The following AFF3 variants were observed in gnomAD, a reference collection of about 807,000 sequenced individuals.
AFF3 encodes ALF transcription elongation factor 3.
AFF3 carries 32 observed loss-of-function variants against 129.7 expected under a neutral mutation model. The observed-to-expected ratio is 0.25, with a 90% CI of 0.19 to 0.33. The LOEUF (loss-of-function observed/expected upper bound fraction) is 0.33. Ranked by LOEUF, AFF3 falls within the 10% of genes least tolerant of loss-of-function variation. AFF3 has a pLI of 1.00. For synonymous variants in AFF3, 644 were observed against 635.4 expected, an observed-to-expected ratio of 1.01 and a Z score of -0.20; for missense variants, 1,373 against 1,592.0, an observed-to-expected ratio of 0.86 and a Z score of 2.34.
chr2:100,050,020 T>G (rs1187822208), intron 4 of AFF3, among the ~76,000 whole-genome samples: 1 of 152,092 alleles, frequency 6.6e-6, no homozygotes, highest in Non-Finnish European at 1.5e-5. Context: ...AAGACCAGCC[T>G]GGCCAACATG....
At chr2:99,896,504 C>G (rs1195998002) in intron 7 of AFF3, among the ~76,000 whole-genome samples, 1 of 151,628 alleles carries the variant, frequency 6.6e-6, no homozygotes, top group Non-Finnish European at 1.5e-5. Context: ...TTTGCATGAA[C>G]TGTCACCCAA....
At chr2:99,747,879 C>T (rs190051056) in intron 9 of AFF3, among the ~76,000 whole-genome samples, 1 of 152,128 alleles carries the variant, frequency 6.6e-6, no homozygotes, top group South Asian at 2.1e-4. Flanking sequence ...GGCTATAAAC[C>T]CAGTGTTCTA....
chr2:99,967,326 A>G (rs1677879199), intron 7 of AFF3, among the ~76,000 whole-genome samples: 2 of 142,602 alleles, frequency 1.4e-5, no homozygotes, highest in South Asian at 4.4e-4. Flanking sequence ...GATGACTTCC[A>G]TCTTCACATC....
chr2:99,859,349 G>T (rs949846177), intron 7 of AFF3, among the ~76,000 whole-genome samples: 2 of 152,148 alleles, frequency 1.3e-5, no homozygotes, highest in Non-Finnish European at 2.9e-5. Flanking sequence ...AACCACCGGC[G>T]GCACAAGCAT....
At chr2:100,124,722 G>C (rs1196841749) in intron 2 of AFF3, among the ~76,000 whole-genome samples, 1 of 152,042 alleles carries the variant, frequency 6.6e-6, no homozygotes, top group Non-Finnish European at 1.5e-5. Context: ...AAATGACTTG[G>C]GGAAAATTAA....
intron 12 of AFF3, among the ~76,000 whole-genome samples, chr2:99,654,577 A>G (rs1383027282): frequency 6.6e-6 from 1 of 152,258 alleles, no homozygotes; most frequent in East Asian, 1.9e-4. Flanking sequence ...AGAGTTATAC[A>G]TTACAGCAAC....
intron 4 of AFF3, among the ~76,000 whole-genome samples, chr2:100,090,516 G>A (rs2105406408): frequency 6.6e-6 from 1 of 152,328 alleles, no homozygotes; most frequent in East Asian, 1.9e-4. Context: ...GCACAGTGAA[G>A]CCTGTTTAAT....
chr2:99,649,061 A>T lies in AFF3; in HGVS notation c.1184+565T>A, dbSNP rs149109995. Among the ~76,000 whole-genome samples, 579 of 152,246 alleles carry T rather than the reference A, an allele frequency of 3.8e-3. 4 individuals are homozygous for T. Among genetic ancestry groups the T allele is most frequent in the African/African-American group, 0.013 (550 of 41,558 alleles). ...TATCTGTCTACAGCCTTTCAGACAA[A>T]GCAGGATATAAAATACAGCCTGTGT... On this transcript the variant is annotated intron_variant, in intron 13 of 24. Transcript: ENST00000672756.
At chr2:99,816,605 C>T (rs907203176) in intron 8 of AFF3, among the ~76,000 whole-genome samples, 1 of 152,112 alleles carries the variant, frequency 6.6e-6, no homozygotes, top group Non-Finnish European at 1.5e-5. Flanking sequence ...CTTTGGGTCT[C>T]CCTTTGCATG....
intron 7 of AFF3, among the ~76,000 whole-genome samples, chr2:99,858,010 T>A (rs1690653520): frequency 6.6e-6 from 1 of 152,194 alleles, no homozygotes; most frequent in Admixed American, 6.5e-5. Context: ...GTCAACTAAC[T>A]TGCTTTGACC....
intron 8 of AFF3, among the ~76,000 whole-genome samples, chr2:99,817,837 A>G (rs1016698034): frequency 2.6e-5 from 4 of 152,256 alleles, no homozygotes; most frequent in Non-Finnish European, 4.4e-5. Context: ...TACATTGAAT[A>G]TGCATGACCA....
chr2:99,593,298 A>G lies in AFF3; in HGVS notation c.2363T>C (p.Val788Ala), dbSNP rs1234731574. ...IPEHLPQEPG[V>A]LSAPATKDSE... ...GTCCTTGGTGGCAGGGGCGCTCAAT[A>G]CCCCTGGCTCCTGGGGCAGGTGTTC... is the stretch of plus-strand genomic sequence containing the variant. Residue 788 changes from valine to alanine, a missense_variant, in exon 15 of 25, where the codon GTA becomes GCA. Val to Ala is a moderately conservative substitution (Grantham distance 64). This residue lies in a region of AFF3 where 466 missense variants were observed against 505.0 expected (regional missense o/e 0.92). Transcript: ENST00000672756. 6.2e-7 allele frequency: 1 copy of G among 1,613,578 alleles called. No homozygotes were observed. The highest frequency in any genetic ancestry group is 8.5e-7 in the Non-Finnish European group (1 of 1,179,910).
intron 7 of AFF3, among the ~76,000 whole-genome samples, chr2:99,881,253 T>C (rs1393143972): frequency 6.6e-6 from 1 of 152,140 alleles, no homozygotes; most frequent in African/African-American, 2.4e-5. Flanking sequence ...TTCTGACAAA[T>C]GTAAGTGCTG....
chr2:99,815,810 T>TTCTCTC (rs747354542), intron 8 of AFF3, among the ~76,000 whole-genome samples: 3 of 147,562 alleles, frequency 2.0e-5, no homozygotes, highest in African/African-American at 5.0e-5. Flanking sequence ...TCCTGGTTCC[T>TTCTCTC]TCTCTCTCTC....
intron 18 of AFF3, among the ~76,000 whole-genome samples, chr2:99,574,852 G>A (rs888178150): frequency 1.3e-5 from 2 of 152,040 alleles, no homozygotes; most frequent in Non-Finnish European, 2.9e-5. Flanking sequence ...CCTCTCTTTG[G>A]TCATTTCACT....
chr2:100,105,766 CT>C, intron 2 of AFF3, 183 bp from the exon 3 acceptor site: 1 of 1,360,246 alleles, frequency 7.4e-7, no homozygotes. Flanking sequence ...CCAAGGCCCC[CT>C]GACTCTCCTG....
At chr2:99,968,810 C>T (rs1394507376) in intron 7 of AFF3, among the ~76,000 whole-genome samples, 2 of 152,184 alleles carry the variant, frequency 1.3e-5, no homozygotes, top group South Asian at 2.1e-4. Context: ...CTTCCTCCTG[C>T]CTTTCCCTTT....
intron 13 of AFF3, among the ~76,000 whole-genome samples, chr2:99,618,224 C>CTTT (rs70940180): frequency 0.013 from 1,060 of 80,050 alleles, 243 homozygotes; most frequent in Non-Finnish European, 0.019. Flanking sequence ...TCATAACATT[C>CTTT]TTTTTTTTTT....
intron 13 of AFF3, among the ~76,000 whole-genome samples, chr2:99,647,658 A>G (rs527596229): frequency 1.4e-4 from 21 of 152,344 alleles, no homozygotes; most frequent in African/African-American, 5.1e-4. Flanking sequence ...TGAAGAAAAA[A>G]AAAGAAAGAA....
Sources: allele counts gnomAD v4.1 joint callset (sites outside exome capture counted in the v4.1 genomes callset), GRCh38; gene constraint gnomAD v4.1.1; regional missense constraint gnomAD v4.1.1; transcripts MANE v1.5; gene names NCBI Gene and HGNC (gene_info 2026-07-23, HGNC 2026-07-21).